HMBOX1: variants seen among roughly 807,000 people sequenced by gnomAD.
The protein encoded by HMBOX1 is homeobox-containing protein 1.
Under a neutral mutation model 54.5 loss-of-function variants are expected in HMBOX1, and 14 were observed. The ratio of observed to expected loss-of-function variants is 0.26; its 90% CI spans 0.17 to 0.40. The LOEUF (loss-of-function observed/expected upper bound fraction) is 0.40. HMBOX1 is among the 10% of genes least tolerant of loss of function. The pLI is 1.00. For missense variants in HMBOX1, 332 were observed against 514.4 expected, an observed-to-expected ratio of 0.65 and a Z score of 3.43; for synonymous variants, 160 against 181.0, an observed-to-expected ratio of 0.88 and a Z score of 0.93.
chr8:28,894,924 GT>G (rs1021547070), intron 1 of HMBOX1, among the ~76,000 whole-genome samples: 2 of 145,500 alleles, frequency 1.4e-5, no homozygotes, highest in Admixed American at 6.9e-5. Context: ...TTAGGCTATA[GT>G]TTTTTTTTAA....
At chr8:29,004,357 G>A (rs1671952154) in intron 4 of HMBOX1, among the ~76,000 whole-genome samples, 1 of 152,198 alleles carries the variant, frequency 6.6e-6, no homozygotes, top group South Asian at 2.1e-4. Context: ...AAGATGTGGT[G>A]TTGGAATTGT....
At chr8:28,973,809 T>TTTTTTTG (rs1827870415) in intron 3 of HMBOX1, among the ~76,000 whole-genome samples, 1 of 11,236 alleles carries the variant, frequency 8.9e-5, no homozygotes, top group Non-Finnish European at 1.8e-4. Flanking sequence ...TGGAGTTTTT[T>TTTTTTTG]TTTTTTTTTT....
At chr8:28,972,897 A>T (rs1563499481) in intron 3 of HMBOX1, among the ~76,000 whole-genome samples, 1 of 152,246 alleles carries the variant, frequency 6.6e-6, no homozygotes, top group East Asian at 1.9e-4. Context: ...TTCACTGTGA[A>T]ATATATACAG....
At chr8:28,914,022 CA>C (rs1230249100) in intron 1 of HMBOX1, among the ~76,000 whole-genome samples, 3 of 152,036 alleles carry the variant, frequency 2.0e-5, no homozygotes, top group African/African-American at 7.3e-5. Flanking sequence ...AGGCATGTGC[CA>C]CCACATCCGG....
chr8:28,981,001 C>T (rs1829246704), intron 4 of HMBOX1, among the ~76,000 whole-genome samples: 1 of 152,152 alleles, frequency 6.6e-6, no homozygotes, highest in South Asian at 2.1e-4. Context: ...CTCTGTGCCT[C>T]AGTTTTCTTC....
At chr8:28,906,202 A>T (rs1004092687) in intron 1 of HMBOX1, among the ~76,000 whole-genome samples, 2 of 152,224 alleles carry the variant, frequency 1.3e-5, no homozygotes, top group African/African-American at 4.8e-5. Flanking sequence ...TAGACTTGTT[A>T]AAGTTGTTAA....
At chr8:29,045,485 C>T (rs774027042) in intron 7 of HMBOX1, 42 bp downstream of exon 7, 11 of 1,504,048 alleles carry the variant, frequency 7.3e-6, no homozygotes, top group Middle Eastern at 1.7e-4. Context: ...TGCAGCACAG[C>T]GCTTGGTTAC....
intron 1 of HMBOX1, among the ~76,000 whole-genome samples, chr8:28,928,836 T>C (rs1174135326): frequency 1.3e-5 from 2 of 152,152 alleles, no homozygotes; most frequent in Non-Finnish European, 2.9e-5. Flanking sequence ...GTAGAATCTT[T>C]AGAAGTTGAA....
chr8:28,907,513 A>G (rs1814567409), intron 1 of HMBOX1, among the ~76,000 whole-genome samples: 1 of 152,184 alleles, frequency 6.6e-6, no homozygotes, highest in South Asian at 2.1e-4. Flanking sequence ...GTTTATCTCT[A>G]TTATATAGTG....
chr8:28,964,457 A>G (rs1826111670), intron 2 of HMBOX1, among the ~76,000 whole-genome samples: 1 of 152,212 alleles, frequency 6.6e-6, no homozygotes, highest in African/African-American at 2.4e-5. Context: ...TAGGATATGA[A>G]CTATAACCAC....
chr8:28,960,480 CTTT>C (rs938826786), intron 1 of HMBOX1, among the ~76,000 whole-genome samples: 2 of 151,502 alleles, frequency 1.3e-5, no homozygotes, highest in Non-Finnish European at 2.9e-5. Flanking sequence ...AAAAAAACTT[CTTT>C]GTTAGAAGGT....
At chr8:28,919,493 A>G (rs981075360) in intron 1 of HMBOX1, among the ~76,000 whole-genome samples, 3 of 152,170 alleles carry the variant, frequency 2.0e-5, no homozygotes, top group African/African-American at 7.2e-5. Flanking sequence ...TCTATACTTA[A>G]TCTCAGTATT....
At chr8:28,975,991 A>C (rs1228906561) in intron 3 of HMBOX1, among the ~76,000 whole-genome samples, 9 of 152,216 alleles carry the variant, frequency 5.9e-5, no homozygotes, top group Admixed American at 5.9e-4. Context: ...CAAAGTTTGA[A>C]CAACAAAGCT....
chr8:29,047,640 T>C (rs1805789555), intron 8 of HMBOX1, among the ~76,000 whole-genome samples, 187 bp downstream of exon 8: 1 of 151,064 alleles, frequency 6.6e-6, no homozygotes, highest in Non-Finnish European at 1.5e-5. Flanking sequence ...CGATGTTGGC[T>C]GACTGCAACC....
At chr8:28,929,868 G>T (rs1819174399) in intron 1 of HMBOX1, among the ~76,000 whole-genome samples, 1 of 152,060 alleles carries the variant, frequency 6.6e-6, no homozygotes, top group Non-Finnish European at 1.5e-5. Context: ...GTAGCATTTA[G>T]TGTGTTCACA....
intron 6 of HMBOX1, among the ~76,000 whole-genome samples, chr8:29,031,450 C>A (rs902039495): frequency 6.6e-6 from 1 of 151,098 alleles, no homozygotes; most frequent in African/African-American, 2.4e-5. Context: ...ACGTAAAAAG[C>A]CATAAATATC....
At chr8:28,969,857 C>T (rs888498939) in intron 2 of HMBOX1, among the ~76,000 whole-genome samples, 186 bp from the exon 3 acceptor site, 8 of 152,110 alleles carry the variant, frequency 5.3e-5, no homozygotes, top group Non-Finnish European at 1.0e-4. Context: ...CTATGTTCAC[C>T]TACTAATACA....
intron 4 of HMBOX1, among the ~76,000 whole-genome samples, chr8:28,983,649 T>C (rs1301134589): frequency 6.6e-6 from 1 of 152,224 alleles, no homozygotes; most frequent in Non-Finnish European, 1.5e-5. Context: ...GAACTTTCCA[T>C]GTTTACCTAG....
chr8:28,977,970 A>G (rs1284262218), intron 3 of HMBOX1, among the ~76,000 whole-genome samples: 1 of 152,126 alleles, frequency 6.6e-6, no homozygotes, highest in Admixed American at 6.5e-5. Flanking sequence ...AAAGAAAGAA[A>G]GAAATATTTC....
Sources: allele counts gnomAD v4.1 joint callset (sites outside exome capture counted in the v4.1 genomes callset), GRCh38; gene constraint gnomAD v4.1.1; transcripts MANE v1.5; gene names NCBI Gene and HGNC (gene_info 2026-07-23, HGNC 2026-07-21).